RANBP17: variants seen among roughly 807,000 people sequenced by gnomAD.
The protein encoded by RANBP17 is ran-binding protein 17.
RANBP17 carries 158 observed loss-of-function variants against 141.2 expected under a neutral mutation model. The observed-to-expected ratio is 1.12, with a 90% CI of 0.98 to 1.28. RANBP17 has a LOEUF of 1.28. Ranked by LOEUF, RANBP17 falls within the 50% of genes most tolerant of loss-of-function variation. The probability of loss-of-function intolerance (pLI) is 0.00; values close to 1 mark genes in which losing one functional copy is unlikely to be tolerated. For synonymous variants in RANBP17, 430 were observed against 450.0 expected (o/e 0.96, Z 0.56); for missense variants, 1,438 against 1,290.7 (o/e 1.11, Z -1.75).
At chr5:171,028,826 C>T in intron 14 of RANBP17, 1 of 946,250 alleles carries the variant, frequency 1.1e-6, no homozygotes, top group Non-Finnish European at 1.5e-6. Flanking sequence ...AGAATTCATC[C>T]ACTGCCACTG....
chr5:170,976,466 T>C lies in RANBP17; in HGVS notation c.1710+8089T>C, dbSNP rs370089808. Among the ~76,000 whole-genome samples, 62 of 152,260 alleles carry C rather than the reference T, an allele frequency of 4.1e-4. 1 individual carries two copies. The South Asian group carries it at 0.012, about 30-fold the overall frequency. ...CTACCAAAATCTTAGCTGTTGTCTT[T>C]GCAGGAATTGACAAGCTTATCCTTA... is the stretch of plus-strand genomic sequence containing the variant. On this transcript the variant is annotated intron_variant, in intron 14 of 27. Coordinates refer to ENST00000523189, the MANE Select transcript of RANBP17 (RefSeq NM_022897.5).
chr5:171,138,539 C>CA (rs532709660), intron 14 of RANBP17, among the ~76,000 whole-genome samples: 9,151 of 97,900 alleles, frequency 0.093, 573 homozygotes, highest in African/African-American at 0.2. Flanking sequence ...TTCCCTACTG[C>CA]AAAAAAAAAA....
At chr5:170,862,364 C>G (rs1173930712) in intron 1 of RANBP17, among the ~76,000 whole-genome samples, 1 of 152,164 alleles carries the variant, frequency 6.6e-6, no homozygotes, top group African/African-American at 2.4e-5. Flanking sequence ...GCTCGCTGAC[C>G]GCGGCTTTAG....
intron 14 of RANBP17, among the ~76,000 whole-genome samples, chr5:171,114,896 T>C (rs564354659): frequency 9.2e-5 from 14 of 151,954 alleles, no homozygotes; most frequent in African/African-American, 2.9e-4. Context: ...GGAGGATCAC[T>C]TGAAGCCAGG....
intron 24 of RANBP17, among the ~76,000 whole-genome samples, chr5:171,246,090 A>C (rs1023018692): frequency 2.0e-5 from 3 of 152,112 alleles, no homozygotes; most frequent in African/African-American, 7.2e-5. Context: ...CTTGTTGGTC[A>C]GGCTGGTCTC....
At chr5:170,908,899 C>T (rs1448892367) in intron 5 of RANBP17, among the ~76,000 whole-genome samples, 1 of 151,822 alleles carries the variant, frequency 6.6e-6, no homozygotes, top group Non-Finnish European at 1.5e-5. Flanking sequence ...TTATTTTCTT[C>T]TTCCAAATAG....
chr5:170,960,560 A>G, intron 13 of RANBP17, among the ~76,000 whole-genome samples: 1 of 152,076 alleles, frequency 6.6e-6, no homozygotes, highest in Non-Finnish European at 1.5e-5. Flanking sequence ...AAGTCCTGTC[A>G]GTTCTATCTT....
At chr5:171,138,389 T>C (rs1757461479) in intron 14 of RANBP17, among the ~76,000 whole-genome samples, 1 of 152,108 alleles carries the variant, frequency 6.6e-6, no homozygotes, top group Non-Finnish European at 1.5e-5. Flanking sequence ...ATAACTGGGC[T>C]AGATAGTTAA....
chr5:170,926,015 A>G (rs1003728795), intron 12 of RANBP17, among the ~76,000 whole-genome samples: 1 of 152,170 alleles, frequency 6.6e-6, no homozygotes, highest in African/African-American at 2.4e-5. Context: ...TGTGATATCC[A>G]TTATATATTC....
intron 14 of RANBP17, among the ~76,000 whole-genome samples, chr5:171,062,742 T>C (rs562870914): frequency 6.6e-6 from 1 of 152,348 alleles, no homozygotes; most frequent in African/African-American, 2.4e-5. Context: ...CTGGATAATA[T>C]CCTGCAGAGT....
intron 14 of RANBP17, among the ~76,000 whole-genome samples, chr5:171,070,390 GCTGTTTGTTT>G (rs1458233533): frequency 6.6e-6 from 1 of 152,104 alleles, no homozygotes; most frequent in Non-Finnish European, 1.5e-5. Flanking sequence ...AATTACTTCT[GCTGTTTGTTT>G]CTGTATATAA....
chr5:170,975,283 C>G (rs1226036335), intron 14 of RANBP17, among the ~76,000 whole-genome samples: 1 of 152,150 alleles, frequency 6.6e-6, no homozygotes, highest in Non-Finnish European at 1.5e-5. Flanking sequence ...AATCCCAGCA[C>G]TTTGGGAGGC....
At chr5:171,192,008 G>A (rs533318049) in intron 18 of RANBP17, among the ~76,000 whole-genome samples, 21 of 152,310 alleles carry the variant, frequency 1.4e-4, no homozygotes, top group African/African-American at 5.1e-4. Context: ...TAGTTTGATG[G>A]TGAGTGAAAG....
intron 14 of RANBP17, among the ~76,000 whole-genome samples, chr5:171,090,408 A>G (rs534558065): frequency 3.3e-5 from 5 of 152,364 alleles, no homozygotes; most frequent in African/African-American, 1.2e-4. Context: ...AAAGCATTCA[A>G]GAGGTGACTT....
At chr5:170,883,218 G>T (rs1768862356) in intron 3 of RANBP17, among the ~76,000 whole-genome samples, 1 of 152,194 alleles carries the variant, frequency 6.6e-6, no homozygotes, top group Admixed American at 6.5e-5. Flanking sequence ...ATAGTGTAAA[G>T]CTAAGTCATA....
chr5:171,110,180 C>CTGGCTCTG (rs1412337423), intron 14 of RANBP17, among the ~76,000 whole-genome samples: 4 of 151,900 alleles, frequency 2.6e-5, no homozygotes, highest in African/African-American at 9.7e-5. Context: ...CTGTTACTTC[C>CTGGCTCTG]TGGCTCTGTG....
intron 14 of RANBP17, among the ~76,000 whole-genome samples, chr5:171,084,039 C>G (rs1370052099): frequency 1.3e-5 from 2 of 149,410 alleles, no homozygotes; most frequent in Non-Finnish European, 3.0e-5. Flanking sequence ...TATACATGTG[C>G]CATGCTGGTG....
chr5:170,862,735 G>T (rs561464677), intron 1 of RANBP17, among the ~76,000 whole-genome samples: 3 of 152,150 alleles, frequency 2.0e-5, no homozygotes, highest in African/African-American at 7.2e-5. Flanking sequence ...ATATCCTCGG[G>T]CTGCTCTGAC....
intron 1 of RANBP17, among the ~76,000 whole-genome samples, chr5:170,874,179 A>G (rs1333947680): frequency 1.3e-5 from 2 of 152,022 alleles, no homozygotes; most frequent in Admixed American, 6.6e-5. Flanking sequence ...CTTGAGTTCT[A>G]CTTTGCACTG....
Sources: allele counts gnomAD v4.1 joint callset (sites outside exome capture counted in the v4.1 genomes callset), GRCh38; gene constraint gnomAD v4.1.1; transcripts MANE v1.5; gene names NCBI Gene and HGNC (gene_info 2026-07-23, HGNC 2026-07-21).